CACNA2D4: variants seen among roughly 807,000 people sequenced by gnomAD.
CACNA2D4 encodes calcium voltage-gated channel auxiliary subunit alpha2delta 4, also known as voltage-dependent calcium channel subunit alpha-2/delta-4.
A neutral mutation model predicts 163.8 loss-of-function variants in CACNA2D4; 157 were observed. The observed-to-expected ratio is 0.96, with a 90% CI of 0.84 to 1.09. The LOEUF (loss-of-function observed/expected upper bound fraction) is 1.09. Ranked by LOEUF, CACNA2D4 falls within the 50% of genes least tolerant of loss-of-function variation. The pLI, the probability that CACNA2D4 is intolerant of heterozygous loss-of-function variation, is 0.00. For synonymous variants in CACNA2D4, 598 were observed against 586.9 expected, an observed-to-expected ratio of 1.02 and a Z score of -0.27; for missense variants, 1,410 against 1,479.9, an observed-to-expected ratio of 0.95 and a Z score of 0.78.
At chr12:1,913,798 G>A (rs1280776184) in intron 2 of CACNA2D4, among the ~76,000 whole-genome samples, 1 of 152,250 alleles carries the variant, frequency 6.6e-6, no homozygotes, top group African/African-American at 2.4e-5. Flanking sequence ...GCTCTGCAAT[G>A]TATTGGCCGT....
intron 24 of CACNA2D4, among the ~76,000 whole-genome samples, chr12:1,846,040 A>G (rs1865135698): frequency 6.6e-6 from 1 of 152,126 alleles, no homozygotes; most frequent in South Asian, 2.1e-4. Flanking sequence ...CAGGTAGAGT[A>G]AGAGACCGCA....
Position 1,874,517 on chromosome 12 carries a change from C to T in CACNA2D4, c.1878+87G>A, listed in dbSNP as rs1009658713. 1.8e-5 allele frequency: 16 copies of T among 884,178 alleles called. No homozygotes were observed. Among genetic ancestry groups the T allele is most frequent in the Non-Finnish European group, 3.0e-5 (16 of 533,618 alleles). 54.8% of individuals were successfully genotyped at this position (884,178 alleles called of 1,614,324 possible). On this transcript the variant is annotated intron_variant, in intron 18 of 37. Coordinates refer to ENST00000382722, the MANE Select transcript of CACNA2D4 (RefSeq NM_172364.5). The surrounding 1 kb of genome is among the most constrained non-coding windows in gnomAD (Gnocchi z 4.4). ...ACTCAACTCTTCAGCTATAATTAGG[C>T]TAAGTCCAGGTCCCTCGTCACTACT...
intron 35 of CACNA2D4, among the ~76,000 whole-genome samples, chr12:1,796,647 G>A (rs1296894716): frequency 6.6e-6 from 1 of 152,226 alleles, no homozygotes; most frequent in Non-Finnish European, 1.5e-5. Flanking sequence ...AGCACGACGC[G>A]CAGGGAGTGG....
chr12:1,852,284 G>C (rs1430166714), intron 23 of CACNA2D4, among the ~76,000 whole-genome samples: 1 of 152,074 alleles, frequency 6.6e-6, no homozygotes, highest in African/African-American at 2.4e-5. Context: ...TGCTTGTCTT[G>C]TTCCTGTCTT....
At position 1,860,189 on chromosome 12, in the gene CACNA2D4, C is replaced by T; in HGVS notation, c.1896G>A (p.Leu632=). 6.2e-7 allele frequency: 1 copy of T among 1,613,726 alleles called. No individual in the cohort carries two copies. Among genetic ancestry groups the T allele is most frequent in the African/African-American group, 1.3e-5 (1 of 75,048 alleles). ...TGTCCGTGAAGAAGTAGTCATTGGT[C>T]AGGAAAAGAACTCGCTTCTGAAAGA... The part of the protein sequence containing the change: ...PMDKGKRVLF[L]TNDYFFTDIS... The change falls in exon 19 of 38, where the codon CTG becomes CTA. Residue 632 remains leucine, a synonymous_variant. Transcript: ENST00000382722.
chr12:1,911,647 C>A (rs1037902081), intron 3 of CACNA2D4, among the ~76,000 whole-genome samples: 2 of 152,160 alleles, frequency 1.3e-5, no homozygotes, highest in African/African-American at 4.8e-5. Context: ...GCGCAGGGAC[C>A]GGTCCTCAGA....
At chr12:1,827,150 C>G (rs1039415983) in intron 26 of CACNA2D4, among the ~76,000 whole-genome samples, 1 of 152,174 alleles carries the variant, frequency 6.6e-6, no homozygotes, top group Non-Finnish European at 1.5e-5. Flanking sequence ...CCGCCCTTGC[C>G]AGCTGCAGCA....
rs144205835 is a variant in CACNA2D4, at chr12:1,828,241, G to C, written c.2551+12498C>G. ...GTGAGTACACCCCTGGCCTCGGAGG[G>C]GGGTGCGGGTTGGGTGGGGGTGCCG... is the stretch of plus-strand genomic sequence containing the variant. On this transcript the variant is annotated intron_variant, in intron 26 of 37. Transcript: ENST00000382722. The surrounding 1 kb of genome is among the most constrained non-coding windows in gnomAD (Gnocchi z 4.2). 8.4e-5 allele frequency: 128 copies of C among 1,531,368 alleles called. No individual in the cohort carries two copies. The African/African-American group carries it at 1.7e-3, about 20-fold the overall frequency. 94.9% of individuals were successfully genotyped at this position (1,531,368 alleles called of 1,614,324 possible).
At chr12:1,888,878 C>T (rs2013064) in intron 6 of CACNA2D4, among the ~76,000 whole-genome samples, 139,364 of 152,274 alleles carry the variant, frequency 0.92, 63,946 homozygotes, top group East Asian at 1. Context: ...GGAAGCACAG[C>T]GTATCCCAAA....
In CACNA2D4 at chr12:1,818,909, C is replaced by G. The variant is rs1275409396; in HGVS notation, c.2552-7186G>C. ...CAGAGACCTTTGTTCACATGTTTATCTGCTGACCTTCCCTCCACTATTGTC... is the reference window on the plus strand; with the variant it reads ...CAGAGACCTTTGTTCACATGTTTATGTGCTGACCTTCCCTCCACTATTGTC... On this transcript the variant is annotated intron_variant, in intron 26 of 37. Transcript: ENST00000382722. 2.9e-4 allele frequency among the ~76,000 whole-genome samples: 44 copies of G among 150,514 alleles called. No individual in the cohort carries two copies. In the East Asian group the frequency reaches 6.6e-3, roughly 23 times the overall value.
At chr12:1,912,002 G>C (rs999948801) in intron 3 of CACNA2D4, among the ~76,000 whole-genome samples, 4 of 152,220 alleles carry the variant, frequency 2.6e-5, no homozygotes, top group Admixed American at 2.6e-4. Context: ...CCCTTGCCCT[G>C]CAGAAATGCT....
chr12:1,906,228 T>C (rs1488626380), intron 6 of CACNA2D4, among the ~76,000 whole-genome samples: 5 of 151,998 alleles, frequency 3.3e-5, no homozygotes, highest in Non-Finnish European at 7.4e-5. Flanking sequence ...TTAGAAAACA[T>C]AGGGGAAACA....
intron 27 of CACNA2D4, 96 bp from the exon 28 acceptor site, chr12:1,810,683 G>A (rs898369778): frequency 1.7e-6 from 2 of 1,202,170 alleles, no homozygotes; most frequent in African/African-American, 3.0e-5. Flanking sequence ...CGTCTGCAGT[G>A]TGTGTGCATG....
At chr12:1,797,378 G>C in intron 35 of CACNA2D4, 40 bp downstream of exon 35, 1 of 1,397,386 alleles carries the variant, frequency 7.2e-7, no homozygotes, top group Non-Finnish European at 9.8e-7. Flanking sequence ...GAGGGCGGGA[G>C]GAGTGTGGCG....
intron 6 of CACNA2D4, among the ~76,000 whole-genome samples, chr12:1,894,770 A>G (rs1307928102): frequency 1.3e-5 from 2 of 152,228 alleles, no homozygotes; most frequent in Non-Finnish European, 2.9e-5. Context: ...ACAAACCCAC[A>G]GGTAACATCA....
intron 37 of CACNA2D4, among the ~76,000 whole-genome samples, chr12:1,794,612 GAAGGTGCTTCCCTCA>G (rs1375170954): frequency 1.3e-5 from 2 of 152,178 alleles, no homozygotes; most frequent in Non-Finnish European, 2.9e-5. Context: ...CTCAACTCAG[GAAGGTGCTTCCCTCA>G]CCATGACCCG....
intron 28 of CACNA2D4, 37 bp downstream of exon 28, chr12:1,810,506 C>A: frequency 6.5e-7 from 1 of 1,548,194 alleles, no homozygotes; most frequent in East Asian, 2.4e-5. Context: ...AGGGCCATGG[C>A]TCCCTCCTCC....
Position 1,918,394 on chromosome 12 carries a change from T to C in CACNA2D4, c.80A>G (p.Asn27Ser), listed in dbSNP as rs1355077428. 2.5e-6 allele frequency: 4 copies of C among 1,597,524 alleles called. No individual in the cohort carries two copies. The highest frequency in any genetic ancestry group is 3.4e-6 in the Non-Finnish European group (4 of 1,172,966). Residue 27 changes from asparagine to serine, a missense_variant, in exon 1 of 38, where the codon AAC (asparagine) becomes AGC (serine). Transcript: ENST00000382722. ...AATCCAGCGGCTGCTGGAGCTGGGG[T>C]TTGCGAGGAAGTTGGGAGTTGCAGG... ...TMPATPNFLA[N>S]PSSSSRWIPL...
chr12:1,856,354 C>A, intron 20 of CACNA2D4, 125 bp from the exon 21 acceptor site: 1 of 994,348 alleles, frequency 1.0e-6, no homozygotes, highest in Non-Finnish European at 1.6e-6. Context: ...CTTTCTTGCT[C>A]TTAGCTCACA....
Sources: gnomAD v4.1 joint callset for allele counts (sites outside exome capture counted in the v4.1 genomes callset) on GRCh38, gnomAD v4.1.1 for gene constraint, Gnocchi (gnomAD v3.1) non-coding constraint, MANE v1.5 for transcripts, NCBI Gene and HGNC (gene_info 2026-07-23, HGNC 2026-07-21) for gene names.